ERI1: variants seen among roughly 807,000 people sequenced by gnomAD.
ERI1 encodes the protein 3'-5' exoribonuclease 1.
Under a neutral mutation model 39.7 loss-of-function variants are expected in ERI1, and 39 were observed. The ratio of observed to expected loss-of-function variants is 0.98; its 90% CI spans 0.76 to 1.28. ERI1 has a LOEUF of 1.28. Ranked by LOEUF, ERI1 falls within the 50% of genes most tolerant of loss-of-function variation. The probability of loss-of-function intolerance (pLI) is 0.00; values close to 1 mark genes in which losing one functional copy is unlikely to be tolerated. For missense variants in ERI1, 581 were observed against 416.9 expected (o/e 1.39, Z -3.43); for synonymous variants, 204 against 149.6 (o/e 1.36, Z -2.65).
At chr8:9,023,661 GT>G (rs374648411) in intron 6 of ERI1, among the ~76,000 whole-genome samples, 4 of 149,918 alleles carry the variant, frequency 2.7e-5, no homozygotes, top group African/African-American at 9.7e-5. Context: ...AGAAACTTAT[GT>G]TTTCCTTCTT....
chr8:9,028,114 C>T (rs954610783), intron 6 of ERI1, among the ~76,000 whole-genome samples: 1 of 152,212 alleles, frequency 6.6e-6, no homozygotes, highest in South Asian at 2.1e-4. Flanking sequence ...AGTATTTCTT[C>T]TTCAATTTTT....
intron 3 of ERI1, 36 bp downstream of exon 3, chr8:9,011,788 C>T (rs1197071146): frequency 8.7e-6 from 13 of 1,487,698 alleles, no homozygotes; most frequent in South Asian, 1.2e-5. Context: ...GTATTTCTAG[C>T]AGCAACTATT....
intron 3 of ERI1, among the ~76,000 whole-genome samples, chr8:9,089,763 C>T (rs1018354181): frequency 3.3e-5 from 5 of 152,138 alleles, no homozygotes; most frequent in African/African-American, 9.7e-5. Context: ...TGTTGTTTCC[C>T]ACCATTAGGA....
intron 3 of ERI1, among the ~76,000 whole-genome samples, chr8:9,039,287 T>G (rs1797947117): frequency 6.6e-6 from 1 of 152,238 alleles, no homozygotes; most frequent in South Asian, 2.1e-4. Context: ...TTTTATTATA[T>G]GTTTCGTCAA....
intron 3 of ERI1, among the ~76,000 whole-genome samples, chr8:9,095,208 G>A (rs550649910): frequency 1.3e-5 from 2 of 152,154 alleles, no homozygotes; most frequent in South Asian, 4.1e-4. Context: ...TTAAATTTTA[G>A]ATTCAGGGAG....
intron 1 of ERI1, chr8:9,004,361 T>C (rs1815724671): frequency 1.1e-6 from 1 of 935,118 alleles, no homozygotes; most frequent in African/African-American, 1.8e-5. Context: ...TTGAATATGC[T>C]TCTTTATATT....
downstream of ERI1, among the ~76,000 whole-genome samples, chr8:9,035,154 C>G (rs1021256288): frequency 1.2e-4 from 19 of 152,054 alleles, no homozygotes; most frequent in Admixed American, 7.9e-4. Context: ...GCAGCAAGTG[C>G]TGATGTAGAA....
At chr8:9,083,749 T>G (rs2117457229) in intron 3 of ERI1, among the ~76,000 whole-genome samples, 1 of 151,354 alleles carries the variant, frequency 6.6e-6, no homozygotes, top group East Asian at 1.9e-4. Context: ...AATCCAGGAG[T>G]TCAAGACCAG....
chr8:9,085,578 C>T (rs1005029262), intron 3 of ERI1, among the ~76,000 whole-genome samples: 12 of 151,506 alleles, frequency 7.9e-5, no homozygotes, highest in Non-Finnish European at 1.5e-4. Context: ...TATTGCCTCT[C>T]TCTGCTTGTG....
chr8:9,013,122 C>G (rs940343826), intron 3 of ERI1, among the ~76,000 whole-genome samples: 2 of 151,930 alleles, frequency 1.3e-5, no homozygotes, highest in Non-Finnish European at 2.9e-5. Context: ...TCGAGCAGCT[C>G]TCCTGCCTCA....
At chr8:9,041,652 A>C (rs890713009) in intron 3 of ERI1, among the ~76,000 whole-genome samples, 2 of 152,342 alleles carry the variant, frequency 1.3e-5, no homozygotes, top group East Asian at 3.9e-4. Context: ...ATAGAAACAC[A>C]GTGTACCAAA....
At chr8:9,095,935 C>G (rs1423927647) in intron 3 of ERI1, among the ~76,000 whole-genome samples, 1 of 152,178 alleles carries the variant, frequency 6.6e-6, no homozygotes, top group Non-Finnish European at 1.5e-5. Flanking sequence ...CCCTCGCCGC[C>G]TAGCTGCAGG....
chr8:9,013,450 A>C (rs1274048181), intron 3 of ERI1, among the ~76,000 whole-genome samples: 1 of 151,454 alleles, frequency 6.6e-6, no homozygotes, highest in African/African-American at 2.4e-5. Context: ...CCCCACTTGC[A>C]GTTTTCTTTG....
intron 1 of ERI1, among the ~76,000 whole-genome samples, chr8:9,004,621 G>T (rs1384116564): frequency 1.0e-4 from 15 of 150,276 alleles, no homozygotes; most frequent in Non-Finnish European, 1.9e-4. Flanking sequence ...CTGTGATCGT[G>T]CCACTGCACT....
chr8:9,040,616 A>G (rs1011629496), intron 3 of ERI1, among the ~76,000 whole-genome samples: 1 of 152,164 alleles, frequency 6.6e-6, no homozygotes, highest in Non-Finnish European at 1.5e-5. Flanking sequence ...GAAGGTTTCA[A>G]GGTGGCCCTA....
At position 9,011,305 on chromosome 8, in the gene ERI1, A is replaced by T. The variant is rs571671826; in HGVS notation, c.288-237A>T. ...TATGTTGGAGAAAATACTGTTATAT[A>T]CTACTAAAATAAAAAAAGACTTGTG... On this transcript the variant is annotated intron_variant, in intron 2 of 6. Transcript: ENST00000250263. 7.9e-5 allele frequency among the ~76,000 whole-genome samples: 12 copies of T among 152,306 alleles called. No homozygotes were observed. In the South Asian group the frequency reaches 1.9e-3, roughly 24 times the overall value.
intron 6 of ERI1, among the ~76,000 whole-genome samples, chr8:9,028,108 TTTC>T (rs1321172869): frequency 1.1e-4 from 16 of 152,342 alleles, no homozygotes; most frequent in African/African-American, 3.1e-4. Context: ...TTGGGAAGTA[TTTC>T]TTCTTCAATT....
chr8:9,027,136 G>GGTGTGTGTGTGTGTGTGTGT (rs780775904), intron 6 of ERI1, among the ~76,000 whole-genome samples: 11 of 137,596 alleles, frequency 8.0e-5, no homozygotes, highest in South Asian at 5.5e-4. Flanking sequence ...GTTATTTTCT[G>GGTGTGTGTGTGTGTGTGTGT]GTGTGTGTGT....
chr8:9,046,036 G>T (rs554777239), intron 3 of ERI1, among the ~76,000 whole-genome samples: 8 of 152,190 alleles, frequency 5.3e-5, no homozygotes, highest in African/African-American at 1.9e-4. Flanking sequence ...GATTCTAGGG[G>T]GCGGAGTTGG....
Sources: allele counts gnomAD v4.1 joint callset (sites outside exome capture counted in the v4.1 genomes callset), GRCh38; gene constraint gnomAD v4.1.1; transcripts MANE v1.5; gene names NCBI Gene and HGNC (gene_info 2026-07-23, HGNC 2026-07-21).